The following FSTL5 variants were observed in gnomAD, a reference collection of about 807,000 sequenced individuals.
FSTL5 encodes follistatin-related protein 5.
In FSTL5, 62 loss-of-function variants were observed where a neutral mutation model predicts 89.1. The ratio of observed to expected loss-of-function variants is 0.70; its 90% CI spans 0.57 to 0.86. The LOEUF is 0.86. Ranked by LOEUF, FSTL5 falls within the 40% of genes least tolerant of loss-of-function variation. The probability of loss-of-function intolerance (pLI) is 0.00; values close to 1 mark genes in which losing one functional copy is unlikely to be tolerated. For synonymous variants in FSTL5, 383 were observed against 346.2 expected (o/e 1.11, Z -1.18); for missense variants, 1,057 against 1,001.6 (o/e 1.06, Z -0.75).
At chr4:161,831,021 C>T (rs1313190939) in intron 4 of FSTL5, among the ~76,000 whole-genome samples, 1 of 151,854 alleles carries the variant, frequency 6.6e-6, no homozygotes, top group African/African-American at 2.4e-5. Context: ...CTCCTAGAAG[C>T]TTAAATGAAA....
At chr4:161,812,426 G>A (rs1378965294) in intron 4 of FSTL5, among the ~76,000 whole-genome samples, 1 of 152,080 alleles carries the variant, frequency 6.6e-6, no homozygotes, top group African/African-American at 2.4e-5. Context: ...TGACTGGGGA[G>A]AAATCCCATC....
At chr4:161,858,144 C>T (rs1731779639) in intron 4 of FSTL5, among the ~76,000 whole-genome samples, 1 of 152,098 alleles carries the variant, frequency 6.6e-6, no homozygotes, top group Non-Finnish European at 1.5e-5. Flanking sequence ...AAAGAGGCCT[C>T]AGAGAGATCC....
chr4:161,431,437 G>A (rs35422047), intron 15 of FSTL5, among the ~76,000 whole-genome samples: 23,995 of 150,416 alleles, frequency 0.16, 2,173 homozygotes, highest in South Asian at 0.23. Flanking sequence ...AAGCCTCATG[G>A]TAACCTCAAA....
intron 7 of FSTL5, among the ~76,000 whole-genome samples, chr4:161,605,518 A>C (rs1027178050): frequency 4.6e-5 from 7 of 152,290 alleles, no homozygotes; most frequent in African/African-American, 1.4e-4. Flanking sequence ...AGAGTTTCTC[A>C]GTTTTCCTGT....
At chr4:161,556,271 A>G (rs924104968) in intron 8 of FSTL5, among the ~76,000 whole-genome samples, 2 of 151,582 alleles carry the variant, frequency 1.3e-5, no homozygotes, top group African/African-American at 4.8e-5. Flanking sequence ...CATAAAGAAA[A>G]CATTTGTCTT....
intron 7 of FSTL5, among the ~76,000 whole-genome samples, chr4:161,619,965 T>A (rs1735056556): frequency 6.6e-6 from 1 of 151,906 alleles, no homozygotes; most frequent in Admixed American, 6.6e-5. Flanking sequence ...ATAGACTGGA[T>A]TGAGAGAATG....
intron 1 of FSTL5, among the ~76,000 whole-genome samples, chr4:162,129,241 C>A (rs72986905): frequency 0.095 from 14,523 of 152,208 alleles, 885 homozygotes; most frequent in African/African-American, 0.16. Flanking sequence ...CCGAGACTTT[C>A]TATTTTTATG....
intron 8 of FSTL5, among the ~76,000 whole-genome samples, chr4:161,564,036 C>T (rs1732709044): frequency 6.6e-6 from 1 of 151,778 alleles, no homozygotes; most frequent in African/African-American, 2.4e-5. Flanking sequence ...TGCCCCTCAT[C>T]CACATTGAAA....
At chr4:161,789,681 A>G (rs1446286757) in intron 4 of FSTL5, among the ~76,000 whole-genome samples, 3 of 152,182 alleles carry the variant, frequency 2.0e-5, no homozygotes, top group Non-Finnish European at 4.4e-5. Context: ...TTCTATCCAC[A>G]TGATAGTCAT....
chr4:161,941,995 A>G (rs1314596639), intron 3 of FSTL5, among the ~76,000 whole-genome samples: 1 of 151,946 alleles, frequency 6.6e-6, no homozygotes, highest in Admixed American at 6.6e-5. Flanking sequence ...AAAAACCTGG[A>G]CTATTCAGAA....
chr4:161,856,936 A>G (rs566960523), intron 4 of FSTL5, among the ~76,000 whole-genome samples: 27 of 152,236 alleles, frequency 1.8e-4, no homozygotes, highest in African/African-American at 6.5e-4. Flanking sequence ...AGGGAAGAAA[A>G]AACAGGCTAG....
intron 1 of FSTL5, among the ~76,000 whole-genome samples, chr4:162,129,591 GGT>G (rs1732218410): frequency 1.3e-5 from 2 of 152,156 alleles, no homozygotes; most frequent in Non-Finnish European, 2.9e-5. Flanking sequence ...GCTGTGTAAT[GGT>G]GAAACTTTCC....
chr4:161,923,325 A>G (rs1363502242), intron 3 of FSTL5, among the ~76,000 whole-genome samples: 1 of 151,890 alleles, frequency 6.6e-6, no homozygotes, highest in Non-Finnish European at 1.5e-5. Context: ...GTACTGAAAG[A>G]AAATCCAAAA....
intron 6 of FSTL5, among the ~76,000 whole-genome samples, chr4:161,749,436 G>A (rs1740317361): frequency 6.6e-6 from 1 of 152,170 alleles, no homozygotes; most frequent in African/African-American, 2.4e-5. Context: ...CACAGAAGCA[G>A]AAAATCATGT....
At chr4:161,895,672 T>C (rs1311794337) in intron 4 of FSTL5, among the ~76,000 whole-genome samples, 1 of 152,184 alleles carries the variant, frequency 6.6e-6, no homozygotes, top group African/African-American at 2.4e-5. Context: ...ATGATTATAA[T>C]TTATTTCAGA....
At position 161,472,628 on chromosome 4, in the gene FSTL5, T is replaced by C. The variant is rs556754719; in HGVS notation, c.1608+8392A>G. 2.0e-5 allele frequency among the ~76,000 whole-genome samples: 3 copies of C among 152,310 alleles called. No homozygotes were observed. The South Asian group carries it at 6.2e-4, about 32-fold the overall frequency. ...TTTTTTAATCGATTGTTTAAGGTTG[T>C]TTTAATTTCCACAATTTAAAAAAAA... On this transcript the variant is annotated intron_variant, in intron 13 of 15. Transcript: ENST00000306100.
At position 162,163,604 on chromosome 4, in the gene FSTL5, A is replaced by G. The variant is rs1733779560; in HGVS notation, c.-17+11T>C. The G allele has an allele frequency of 1.3e-5, 2 of 151,272 alleles. No homozygotes were observed. The highest frequency in any genetic ancestry group is 2.9e-5 in the Non-Finnish European group (2 of 67,896). The allele number at this position is 151,272 out of a possible 1,614,324, so 9.4% of individuals were successfully genotyped here. A position where few individuals can be genotyped will look rare whatever the true frequency, so the allele number is the denominator to read the frequency against. Reference sequence around the variant, plus strand: ...ACTTGTAATCATTTATAACAATATTATTTTTCTTACCTTATTTTAACAGTC... The same window carrying G: ...ACTTGTAATCATTTATAACAATATTGTTTTTCTTACCTTATTTTAACAGTC... On this transcript the variant is annotated intron_variant, in intron 1 of 15. Transcript: ENST00000306100.
At chr4:161,875,443 C>T (rs894499575) in intron 4 of FSTL5, among the ~76,000 whole-genome samples, 1 of 152,106 alleles carries the variant, frequency 6.6e-6, no homozygotes, top group African/African-American at 2.4e-5. Flanking sequence ...TCTTCATCTT[C>T]CGGTTGGCTG....
chr4:161,891,356 C>T (rs1732982585), intron 4 of FSTL5, among the ~76,000 whole-genome samples: 2 of 151,974 alleles, frequency 1.3e-5, no homozygotes, highest in African/African-American at 2.4e-5. Flanking sequence ...CTTTGTTCTC[C>T]TTTAAGACAA....
Sources: allele counts gnomAD v4.1 joint callset (sites outside exome capture counted in the v4.1 genomes callset), GRCh38; gene constraint gnomAD v4.1.1; transcripts MANE v1.5; gene names NCBI Gene and HGNC (gene_info 2026-07-23, HGNC 2026-07-21).